FRMPD4: variants seen among roughly 807,000 people sequenced by gnomAD.
FRMPD4 encodes FERM and PDZ domain-containing protein 4.
Under a neutral mutation model 94.1 loss-of-function variants are expected in FRMPD4, and 22 were observed. The observed-to-expected ratio is 0.23, with a 90% CI of 0.17 to 0.33. The LOEUF is 0.33. Ranked by LOEUF, FRMPD4 falls within the 10% of genes least tolerant of loss-of-function variation. FRMPD4 has a pLI of 1.00. For missense variants in FRMPD4, 1,111 were observed against 1,339.9 expected (o/e 0.83, Z 2.67); for synonymous variants, 631 against 548.6 (o/e 1.15, Z -2.10).
intron 3 of FRMPD4, among the ~76,000 whole-genome samples, chrX:11,950,328 T>C (rs1202017304): frequency 8.9e-6 from 1 of 112,071 alleles, no homozygotes; most frequent in African/African-American, 3.3e-5. Context: ...TACCCAGTCT[T>C]GGGTATTTCT....
chrX:11,925,138 TA>T (rs201067751), intron 3 of FRMPD4, among the ~76,000 whole-genome samples: 12,629 of 93,334 alleles, frequency 0.14, 755 homozygotes, highest in African/African-American at 0.22. Flanking sequence ...CAACAGAGAT[TA>T]AAAAAAAAAA....
chrX:12,191,038 G>T (rs1372622120), intron 1 of FRMPD4, among the ~76,000 whole-genome samples: 1 of 112,096 alleles, frequency 8.9e-6, no homozygotes, highest in Non-Finnish European at 1.9e-5. Flanking sequence ...AATATACAAA[G>T]AACTCTTAGA....
chrX:11,941,622 A>AAG (rs766591134), intron 3 of FRMPD4, among the ~76,000 whole-genome samples: 28 of 112,452 alleles, frequency 2.5e-4, no homozygotes, highest in Non-Finnish European at 5.3e-4. Context: ...TAAAAGCTTA[A>AAG]AGAGAGCAGT....
At chrX:11,827,043 T>G (rs2053446726) in intron 1 of FRMPD4, among the ~76,000 whole-genome samples, 1 of 84,920 alleles carries the variant, frequency 1.2e-5, no homozygotes, top group African/African-American at 4.2e-5. Flanking sequence ...AAAATTTTTG[T>G]GTTTTATTTA....
At chrX:12,617,872 C>A (rs1378383754) in intron 4 of FRMPD4, among the ~76,000 whole-genome samples, 2 of 111,225 alleles carry the variant, frequency 1.8e-5, no homozygotes, top group African/African-American at 6.5e-5. Context: ...TTTTTCTTAT[C>A]ATTTAGTTAC....
chrX:12,513,107 T>C (rs1024493355), intron 2 of FRMPD4, among the ~76,000 whole-genome samples: 1 of 112,427 alleles, frequency 8.9e-6, no homozygotes, highest in Non-Finnish European at 1.9e-5. Context: ...TTGTAGATTC[T>C]GGATATGAGA....
chrX:11,914,291 CTTTTTTTT>C (rs57258573), intron 3 of FRMPD4, among the ~76,000 whole-genome samples: 4 of 89,219 alleles, frequency 4.5e-5, no homozygotes, highest in Non-Finnish European at 8.9e-5. Flanking sequence ...ACTTTTTTTT[CTTTTTTTT>C]TTTTTTTTGA....
chrX:12,550,808 A>G (rs936066846), intron 2 of FRMPD4, among the ~76,000 whole-genome samples: 5 of 94,378 alleles, frequency 5.3e-5, no homozygotes, highest in Middle Eastern at 5.9e-3. Context: ...ATGTACATCT[A>G]TGTGTACTTA....
intron 1 of FRMPD4, among the ~76,000 whole-genome samples, chrX:12,193,825 AGGAGGGAAGG>A (rs2056530437): frequency 2.8e-5 from 1 of 36,147 alleles, no homozygotes; most frequent in Non-Finnish European, 4.3e-5. Flanking sequence ...GAAGGAAGGA[AGGAGGGAAGG>A]AAGAAAGAAA....
intron 2 of FRMPD4, among the ~76,000 whole-genome samples, chrX:12,512,822 T>C (rs1049318409): frequency 1.8e-5 from 2 of 112,599 alleles, no homozygotes; most frequent in Non-Finnish European, 3.8e-5. Context: ...TGTTTGAAAC[T>C]AATTTACATT....
chrX:11,832,675 A>C (rs192378490), intron 1 of FRMPD4, among the ~76,000 whole-genome samples: 106 of 111,816 alleles, frequency 9.5e-4, no homozygotes, highest in African/African-American at 3.3e-3. Flanking sequence ...TTTTTAAACT[A>C]ATAAACTTTA....
At chrX:12,089,204 A>T (rs754202680) in intron 3 of FRMPD4, among the ~76,000 whole-genome samples, 1 of 112,096 alleles carries the variant, frequency 8.9e-6, no homozygotes, top group Non-Finnish European at 1.9e-5. Context: ...TTGTACTGTC[A>T]ATCAGCATTT....
intron 9 of FRMPD4, among the ~76,000 whole-genome samples, chrX:12,696,017 T>C (rs761793579): frequency 2.8e-3 from 313 of 112,512 alleles, no homozygotes; most frequent in African/African-American, 9.6e-3. Context: ...ATTATAGGCG[T>C]GAGCCACCGC....
chrX:12,333,530 A>C, intron 1 of FRMPD4, among the ~76,000 whole-genome samples: 1 of 112,059 alleles, frequency 8.9e-6, no homozygotes, highest in Non-Finnish European at 1.9e-5. Context: ...CAGAGGATAC[A>C]ACTCAGGTTC....
At chrX:12,363,644 G>GT (rs2147995264) in intron 1 of FRMPD4, among the ~76,000 whole-genome samples, 1 of 112,567 alleles carries the variant, frequency 8.9e-6, no homozygotes, top group African/African-American at 3.2e-5. Context: ...TGGGTACATA[G>GT]TATTCCACAA....
chrX:12,198,792 A>T (rs1484293134), intron 1 of FRMPD4, among the ~76,000 whole-genome samples: 1 of 112,347 alleles, frequency 8.9e-6, no homozygotes, highest in African/African-American at 3.2e-5. Flanking sequence ...TTAATCATTT[A>T]TAGTGAAAAA....
At chrX:12,603,793 C>T (rs2059105652) in intron 2 of FRMPD4, among the ~76,000 whole-genome samples, 1 of 109,943 alleles carries the variant, frequency 9.1e-6, no homozygotes, top group Non-Finnish European at 1.9e-5. Context: ...TAAACAAGGA[C>T]TCAAGTGTCT....
chrX:12,463,946 T>G (rs1429470737), intron 1 of FRMPD4, among the ~76,000 whole-genome samples: 1 of 110,612 alleles, frequency 9.0e-6, no homozygotes, highest in Non-Finnish European at 1.9e-5. Context: ...TGAATAAAGT[T>G]TTATTGGCAC....
chrX:12,195,020 A>T (rs916009679), intron 1 of FRMPD4, among the ~76,000 whole-genome samples: 8 of 112,452 alleles, frequency 7.1e-5, no homozygotes, highest in African/African-American at 2.6e-4. Flanking sequence ...TTAAAATTCA[A>T]AGACATGACA....
Sources: gnomAD v4.1 joint callset for allele counts (sites outside exome capture counted in the v4.1 genomes callset) on GRCh38, gnomAD v4.1.1 for gene constraint, MANE v1.5 for transcripts, NCBI Gene and HGNC (gene_info 2026-07-23, HGNC 2026-07-21) for gene names.